The following MARCHF5 variants were observed in gnomAD, a reference collection of about 807,000 sequenced individuals.
The protein encoded by MARCHF5 is membrane associated ring-CH-type finger 5.
Under a neutral mutation model 36.5 loss-of-function variants are expected in MARCHF5, and 5 were observed. The ratio of observed to expected loss-of-function variants is 0.14; its 90% confidence interval spans 0.07 to 0.29. The LOEUF (loss-of-function observed/expected upper bound fraction) is 0.29. Among genes scored for constraint, MARCHF5 ranks in the 10% least tolerant of loss-of-function variants. The pLI is 1.00. For missense variants in MARCHF5, 179 were observed against 336.3 expected, an observed-to-expected ratio of 0.53 and a Z score of 3.66; for synonymous variants, 103 against 109.9, an observed-to-expected ratio of 0.94 and a Z score of 0.39.
At chr10:92,342,997 G>A (rs1843596877) in intron 3 of MARCHF5, among the ~76,000 whole-genome samples, 1 of 152,108 alleles carries the variant, frequency 6.6e-6, no homozygotes, top group Admixed American at 6.6e-5. Context: ...CCAAAAATAT[G>A]GATACAGTTA....
rs1843100117 is a variant in MARCHF5 at position 92,308,218 on chromosome 10, G to A, written c.36-2917G>A. On this transcript the variant is annotated intron_variant, in intron 1 of 5. Coordinates refer to ENST00000358935, the MANE Select transcript of MARCHF5 (RefSeq NM_017824.5). The stretch of plus-strand genomic sequence containing the variant: ...AGCCTCCCAAAGTGCTGGGATTATA[G>A]GCATGAGCCACCGCGCCCAGCCTAT... 2.0e-5 allele frequency among the ~76,000 whole-genome samples: 3 copies of A among 152,086 alleles called. No homozygotes were observed. In the South Asian group the frequency reaches 6.2e-4, roughly 32 times the overall value.
chr10:92,318,603 G>A (rs146959847), intron 2 of MARCHF5, among the ~76,000 whole-genome samples: 1 of 151,428 alleles, frequency 6.6e-6, no homozygotes, highest in East Asian at 1.9e-4. Flanking sequence ...TGCACCTGGG[G>A]TCGCAGCTAC....
Position 92,291,251 on chromosome 10 carries a change from C to T in MARCHF5, c.-244C>T, listed in dbSNP as rs115311029. The T allele has an allele frequency of 2.7e-3, 1,471 of 541,312 alleles. 15 individuals are homozygous for T. The African/African-American group carries it at 0.027, about 10-fold the overall frequency. The allele number at this position is 541,312 out of a possible 1,614,324, so 33.5% of individuals were successfully genotyped here. A position where few individuals can be genotyped will look rare whatever the true frequency, so the allele number is the denominator to read the frequency against. ...AACCTCGGGCCGACGGACGGGAACC[C>T]GGGCCGCGATCGCCGCCTCCCCGCC... On this transcript the variant is annotated 5_prime_UTR_variant, in exon 1 of 6. Coordinates refer to ENST00000358935, the MANE Select transcript of MARCHF5 (RefSeq NM_017824.5).
intron 2 of MARCHF5, among the ~76,000 whole-genome samples, chr10:92,338,766 A>G (rs1329511381): frequency 6.6e-6 from 1 of 152,204 alleles, no homozygotes; most frequent in African/African-American, 2.4e-5. Flanking sequence ...TCATTATTTT[A>G]TCATCAGAAT....
chr10:92,322,073 C>T (rs902574725), intron 2 of MARCHF5, among the ~76,000 whole-genome samples: 7 of 151,210 alleles, frequency 4.6e-5, no homozygotes, highest in African/African-American at 1.5e-4. Context: ...GGAAAAACCC[C>T]GTCTCTACTA....
chr10:92,347,297 A>G (rs1843656350), intron 3 of MARCHF5, among the ~76,000 whole-genome samples: 1 of 152,166 alleles, frequency 6.6e-6, no homozygotes, highest in African/African-American at 2.4e-5. Context: ...CAACCTGGCT[A>G]ACGTGGTGAA....
intron 2 of MARCHF5, among the ~76,000 whole-genome samples, chr10:92,314,370 A>G (rs1843182204): frequency 6.6e-6 from 1 of 152,224 alleles, no homozygotes; most frequent in African/African-American, 2.4e-5. Flanking sequence ...TCCGCTGGGC[A>G]CGGTGGCTCA....
At chr10:92,307,050 T>C (rs1313737959) in intron 1 of MARCHF5, among the ~76,000 whole-genome samples, 1 of 151,970 alleles carries the variant, frequency 6.6e-6, no homozygotes, top group African/African-American at 2.4e-5. Context: ...AGCTAGACTA[T>C]ATGCCTGCAG....
At chr10:92,328,258 T>G (rs1313591756) in intron 2 of MARCHF5, among the ~76,000 whole-genome samples, 1 of 150,398 alleles carries the variant, frequency 6.6e-6, no homozygotes, top group Non-Finnish European at 1.5e-5. Flanking sequence ...TTTAGTCATG[T>G]CTCCTTACAC....
intron 1 of MARCHF5, among the ~76,000 whole-genome samples, chr10:92,299,927 T>G (rs573702115): frequency 1.3e-5 from 2 of 152,010 alleles, no homozygotes; most frequent in Non-Finnish European, 2.9e-5. Flanking sequence ...TTTGGGAGGC[T>G]GAGGCAGGAG....
rs184800034 is a variant in MARCHF5, at chr10:92,317,335, G to A, written c.238+5998G>A. ...GCTGGTCTCAAATTCCTGACCTCAG[G>A]TGATCCACCCACCTTGGCCTCCCAA... On this transcript the variant is annotated intron_variant, in intron 2 of 5. Transcript: ENST00000358935. Among the ~76,000 whole-genome samples the A allele has an allele frequency of 2.7e-3, 409 of 152,272 alleles. 6 individuals are homozygous for A. Among genetic ancestry groups the A allele is most frequent in the Non-Finnish European group, 2.4e-3 (160 of 68,020 alleles).
rs186282749 is a variant in MARCHF5, at chr10:92,299,339, C to T, written c.35+7810C>T. 7.6e-5 allele frequency among the ~76,000 whole-genome samples: 10 copies of T among 131,046 alleles called. No individual in the cohort carries two copies. The South Asian group carries it at 9.7e-4, about 13-fold the overall frequency. 86.0% of individuals were successfully genotyped at this position (131,046 alleles called of 152,430 possible). On this transcript the variant is annotated intron_variant, in intron 1 of 5. Coordinates refer to ENST00000358935, the MANE Select transcript of MARCHF5 (RefSeq NM_017824.5). ...AAAAGGATAAAACGTAAACTTTCAA[C>T]GGGGTAACGTGCTTTGATCTGTTAC...
At chr10:92,291,666 A>G in intron 1 of MARCHF5, 137 bp downstream of exon 1, 1 of 1,332,278 alleles carries the variant, frequency 7.5e-7, no homozygotes, top group Non-Finnish European at 9.8e-7. Context: ...TGAGAGGGGC[A>G]AAAAGTTTGG....
chr10:92,341,660 T>C (rs1843579333), intron 3 of MARCHF5, among the ~76,000 whole-genome samples: 1 of 152,166 alleles, frequency 6.6e-6, no homozygotes, highest in East Asian at 1.9e-4. Context: ...TGATCTCTTG[T>C]GACTTCATAC....
rs139889315 is a variant in MARCHF5 at position 92,291,418 on chromosome 10, C to T, written c.-77C>T. The T allele has an allele frequency of 0.018, 23,303 of 1,302,200 alleles. 284 individuals are homozygous for T. Among genetic ancestry groups the T allele is most frequent in the Non-Finnish European group, 0.022 (20,019 of 924,608 alleles). 80.7% of individuals were successfully genotyped at this position (1,302,200 alleles called of 1,614,324 possible). ...GCCGGACTGCGGCCTACTCCGCCGCCTCTCAGTGCTATTGTCCCTGGGCCT... is the reference window on the plus strand; with the variant it reads ...GCCGGACTGCGGCCTACTCCGCCGCTTCTCAGTGCTATTGTCCCTGGGCCT... On this transcript the variant is annotated 5_prime_UTR_variant, in exon 1 of 6. Transcript: ENST00000358935.
Position 92,336,639 on chromosome 10 carries a change from CAAG to C in MARCHF5, c.239-4026_239-4024del, listed in dbSNP as rs1389280685. On this transcript the variant is annotated intron_variant, in intron 2 of 5. Transcript: ENST00000358935. The stretch of plus-strand genomic sequence containing the variant: ...TTCGTAGGGTGGGCTTCATTGAGGT[CAAG>C]AAGAAGAGGAAGGGGCATGGTGGCA... Among the ~76,000 whole-genome samples, 4 of 151,966 alleles carry C rather than the reference CAAG, an allele frequency of 2.6e-5. No individual in the cohort carries two copies. In the East Asian group the frequency reaches 5.8e-4, roughly 22 times the overall value.
intron 1 of MARCHF5, among the ~76,000 whole-genome samples, chr10:92,291,904 A>G (rs1433021481): frequency 1.4e-4 from 21 of 151,544 alleles, no homozygotes; most frequent in Admixed American, 1.4e-3. Flanking sequence ...GTTATCTTTC[A>G]GGGGAATGAC....
intron 1 of MARCHF5, among the ~76,000 whole-genome samples, chr10:92,305,527 C>CT (rs1263132963): frequency 1.3e-5 from 2 of 152,178 alleles, no homozygotes; most frequent in Admixed American, 6.5e-5. Context: ...AAACAAAGTG[C>CT]TGGGTACCCC....
chr10:92,334,813 A>G (rs558087001), intron 2 of MARCHF5, among the ~76,000 whole-genome samples: 103 of 152,298 alleles, frequency 6.8e-4, no homozygotes, highest in Admixed American at 9.8e-4. Context: ...TCACTTTTTT[A>G]TGTCATTCAT....
Sources: gnomAD v4.1 joint callset for allele counts (sites outside exome capture counted in the v4.1 genomes callset) on GRCh38, gnomAD v4.1.1 for gene constraint, MANE v1.5 for transcripts, NCBI Gene and HGNC (gene_info 2026-07-23, HGNC 2026-07-21) for gene names.